The following PCDH15 variants were observed in gnomAD, a reference collection of about 807,000 sequenced individuals.
The protein encoded by PCDH15 is protocadherin-15.
Under a neutral mutation model 178.5 loss-of-function variants are expected in PCDH15, and 129 were observed. That is an observed-to-expected ratio of 0.72 (90% CI 0.63 to 0.84). The LOEUF is 0.84. PCDH15 is among the 40% of genes least tolerant of loss of function. The pLI is 0.00. For synonymous variants in PCDH15, 800 were observed against 732.0 expected, an observed-to-expected ratio of 1.09 and a Z score of -1.50; for missense variants, 2,230 against 2,099.9, an observed-to-expected ratio of 1.06 and a Z score of -1.21.
chr10:54,026,634 G>C (rs2093104526), intron 18 of PCDH15, among the ~76,000 whole-genome samples: 1 of 152,146 alleles, frequency 6.6e-6, no homozygotes, highest in South Asian at 2.1e-4. Flanking sequence ...CTGTTTATAT[G>C]CTGGATTACA....
chr10:54,779,488 G>GTGTGTATA (rs147450863), intron 1 of PCDH15, among the ~76,000 whole-genome samples: 10,218 of 53,266 alleles, frequency 0.19, 970 homozygotes, highest in Middle Eastern at 0.32. Context: ...ACATATATAT[G>GTGTGTATA]TATATATATA....
intron 2 of PCDH15, among the ~76,000 whole-genome samples, chr10:55,403,844 C>T (rs1287359990): frequency 1.4e-4 from 22 of 151,964 alleles, no homozygotes. Flanking sequence ...CTATAAACGA[C>T]ATTAACAAAC....
chr10:55,438,784 C>T (rs1010923666), intron 2 of PCDH15, among the ~76,000 whole-genome samples: 5 of 151,790 alleles, frequency 3.3e-5, no homozygotes, highest in African/African-American at 1.2e-4. Flanking sequence ...TATTTTTGTT[C>T]TATTAAAGAA....
chr10:55,328,098 A>G (rs543416182), intron 2 of PCDH15, among the ~76,000 whole-genome samples: 36 of 152,114 alleles, frequency 2.4e-4, no homozygotes, highest in Middle Eastern at 3.4e-3. Flanking sequence ...TGTTAGTTGA[A>G]CAGATATAAC....
Position 53,959,790 on chromosome 10 carries a change from C to T in PCDH15, c.3064G>A (p.Val1022Met), listed in dbSNP as rs773639122. The change falls in exon 23 of 38, where the codon GTG (valine) becomes ATG (methionine). Residue 1022 changes from valine (V) to methionine (M), a missense_variant. Transcript: ENST00000644397. ...CCAGGATGTAAGACAAGAATCTTCA[C>T]TGTGGCACTGCTGGACATCACAGGC... is the stretch of plus-strand genomic sequence containing the variant. ...GEPVMSSSAT[V>M]KILVLHPGEI... 2 of 1,614,120 alleles carry T rather than the reference C, an allele frequency of 1.2e-6. No individual in the cohort carries two copies. Among genetic ancestry groups the T allele is most frequent in the East Asian group, 2.2e-5 (1 of 44,866 alleles).
intron 2 of PCDH15, among the ~76,000 whole-genome samples, chr10:54,911,727 G>A (rs1454487): frequency 0.32 from 47,866 of 151,900 alleles, 8,086 homozygotes; most frequent in East Asian, 0.58. Flanking sequence ...CTGATAGTGA[G>A]AGAGCTCTCA....
chr10:54,464,148 A>T (rs2077371553), intron 3 of PCDH15, among the ~76,000 whole-genome samples: 1 of 152,190 alleles, frequency 6.6e-6, no homozygotes, highest in African/African-American at 2.4e-5. Flanking sequence ...TACAGTTTCA[A>T]GAAGCTCTCC....
chr10:54,755,995 C>T (rs996721307), intron 1 of PCDH15, among the ~76,000 whole-genome samples: 1 of 151,388 alleles, frequency 6.6e-6, no homozygotes, highest in Non-Finnish European at 1.5e-5. Flanking sequence ...GGGTGGATCA[C>T]CTGAGGTCAG....
chr10:54,171,700 C>A lies in PCDH15; in HGVS notation c.1590+11744G>T, dbSNP rs570514185. ...GGACTATGCTGAATCTCCTTAGGCA[C>A]TCTCTAATCAGATATCCTGAGTTGT... On this transcript the variant is annotated intron_variant, in intron 13 of 37. Transcript: ENST00000644397. Among the ~76,000 whole-genome samples the A allele has an allele frequency of 4.0e-4, 61 of 152,180 alleles. No individual in the cohort carries two copies. In the South Asian group the frequency reaches 0.012, roughly 30 times the overall value.
intron 1 of PCDH15, among the ~76,000 whole-genome samples, chr10:54,750,415 T>G (rs1946073127): frequency 6.6e-6 from 1 of 152,076 alleles, no homozygotes; most frequent in Non-Finnish European, 1.5e-5. Flanking sequence ...AAACACCTTT[T>G]TGGTGAATAC....
intron 22 of PCDH15, among the ~76,000 whole-genome samples, 194 bp downstream of exon 22, chr10:53,961,558 T>A (rs914749372): frequency 6.6e-6 from 1 of 151,990 alleles, no homozygotes; most frequent in Non-Finnish European, 1.5e-5. Flanking sequence ...ATTCTAGCTA[T>A]TTCCAAGATG....
intron 2 of PCDH15, among the ~76,000 whole-genome samples, chr10:55,577,504 C>T (rs1842519463): frequency 6.6e-6 from 1 of 152,052 alleles, no homozygotes; most frequent in Admixed American, 6.6e-5. Context: ...TATTCCAGCC[C>T]TACCCTCCAG....
chr10:54,601,609 G>A (rs114962285), intron 2 of PCDH15, among the ~76,000 whole-genome samples: 1,927 of 151,950 alleles, frequency 0.013, 43 homozygotes, highest in African/African-American at 0.044. Flanking sequence ...AATTTAGTTC[G>A]TCCATTGTAA....
chr10:55,105,999 A>G (rs893446880), intron 2 of PCDH15, among the ~76,000 whole-genome samples: 3 of 152,034 alleles, frequency 2.0e-5, no homozygotes, highest in Non-Finnish European at 2.9e-5. Context: ...ATACTCCTGG[A>G]AGCTAGGATA....
intron 32 of PCDH15, chr10:53,824,988 T>C: frequency 1.0e-6 from 1 of 966,484 alleles, no homozygotes; most frequent in South Asian, 4.4e-5. Flanking sequence ...GGAAATTGGG[T>C]GTGGAAGACA....
chr10:53,990,801 A>T (rs1318332020), intron 21 of PCDH15, among the ~76,000 whole-genome samples: 1 of 151,682 alleles, frequency 6.6e-6, no homozygotes, highest in South Asian at 2.1e-4. Flanking sequence ...GCTTGCAGGG[A>T]GGTGTGGAGG....
chr10:55,482,333 T>C (rs975221983), intron 2 of PCDH15, among the ~76,000 whole-genome samples: 1 of 151,862 alleles, frequency 6.6e-6, no homozygotes, highest in African/African-American at 2.4e-5. Flanking sequence ...AGGTTAGTAT[T>C]GTTATGTGTG....
chr10:53,929,551 T>C (rs1407017266), intron 25 of PCDH15, among the ~76,000 whole-genome samples: 1 of 152,156 alleles, frequency 6.6e-6, no homozygotes, highest in Non-Finnish European at 1.5e-5. Context: ...GGCTACAATA[T>C]TGTTACCCAA....
intron 3 of PCDH15, among the ~76,000 whole-genome samples, chr10:54,441,483 C>T (rs1160250737): frequency 6.6e-6 from 1 of 151,834 alleles, no homozygotes; most frequent in Non-Finnish European, 1.5e-5. Flanking sequence ...TGAACTCTAG[C>T]TTGGTATGTG....
Sources: allele counts gnomAD v4.1 joint callset (sites outside exome capture counted in the v4.1 genomes callset), GRCh38; gene constraint gnomAD v4.1.1; transcripts MANE v1.5; gene names NCBI Gene and HGNC (gene_info 2026-07-23, HGNC 2026-07-21).